Variants in SCLT1 observed in about 807,000 individuals in gnomAD.
SCLT1 encodes sodium channel and clathrin linker 1.
In SCLT1, 78 loss-of-function variants were observed where a neutral mutation model predicts 112.8. That is an observed-to-expected ratio of 0.69 (90% CI 0.58 to 0.83). The LOEUF is 0.83. SCLT1 is among the 40% of genes least tolerant of loss of function. The pLI is 0.00. For synonymous variants in SCLT1, 257 were observed against 254.7 expected (o/e 1.01, Z -0.09); for missense variants, 747 against 770.4 (o/e 0.97, Z 0.36).
intron 2 of SCLT1, among the ~76,000 whole-genome samples, chr4:129,078,207 T>C (rs35388412): frequency 0.031 from 4,653 of 152,340 alleles, 92 homozygotes; most frequent in South Asian, 0.052. Context: ...GATTTGTCCC[T>C]ACTAGGTCTG....
chr4:128,881,079 G>A (rs746683988), downstream of SCLT1, among the ~76,000 whole-genome samples: 11 of 151,806 alleles, frequency 7.2e-5, no homozygotes, highest in Non-Finnish European at 1.0e-4. Context: ...ATTTTTCTTC[G>A]TTATATAAAT....
intron 18 of SCLT1, among the ~76,000 whole-genome samples, chr4:128,919,965 A>ATC: frequency 6.6e-6 from 1 of 152,164 alleles, no homozygotes; most frequent in Non-Finnish European, 1.5e-5. Flanking sequence ...ATTCTACCAG[A>ATC]TGTAAGAGAA....
chr4:129,086,841 T>C (rs955532332), intron 1 of SCLT1, among the ~76,000 whole-genome samples: 1 of 152,162 alleles, frequency 6.6e-6, no homozygotes, highest in African/African-American at 2.4e-5. Flanking sequence ...AGTAAGATAC[T>C]TGAGTTTAAG....
At chr4:128,934,269 G>T (rs2125979609) in intron 18 of SCLT1, among the ~76,000 whole-genome samples, 1 of 151,380 alleles carries the variant, frequency 6.6e-6, no homozygotes, top group African/African-American at 2.4e-5. Context: ...ACATATGTTG[G>T]TTTATATACA....
intron 18 of SCLT1, among the ~76,000 whole-genome samples, chr4:128,926,803 T>C (rs1736337192): frequency 6.6e-6 from 1 of 152,016 alleles, no homozygotes; most frequent in African/African-American, 2.4e-5. Context: ...TCAACAATAA[T>C]ATATAAGCTG....
At chr4:129,050,618 CTG>C (rs1237386133) in intron 2 of SCLT1, among the ~76,000 whole-genome samples, 2 of 152,006 alleles carry the variant, frequency 1.3e-5, no homozygotes, top group African/African-American at 2.4e-5. Context: ...TCCTTGTAGA[CTG>C]TGGATATTAG....
chr4:129,000,251 A>G (rs941063892), intron 6 of SCLT1, among the ~76,000 whole-genome samples: 1 of 152,002 alleles, frequency 6.6e-6, no homozygotes, highest in Non-Finnish European at 1.5e-5. Flanking sequence ...TTACTACCTG[A>G]TAATAAATAT....
At chr4:129,075,112 C>T (rs1161516938) in intron 2 of SCLT1, among the ~76,000 whole-genome samples, 3 of 152,082 alleles carry the variant, frequency 2.0e-5, no homozygotes, top group African/African-American at 7.2e-5. Flanking sequence ...TCTCTGGATA[C>T]TTTTCTTTCT....
chr4:128,933,329 CT>C (rs370585727), intron 18 of SCLT1, among the ~76,000 whole-genome samples: 2,656 of 151,972 alleles, frequency 0.017, 62 homozygotes, highest in African/African-American at 0.055. Flanking sequence ...TGACCAAAGA[CT>C]TTTTTTTCTT....
chr4:129,070,484 A>C (rs1180864614), intron 2 of SCLT1, among the ~76,000 whole-genome samples: 1 of 151,900 alleles, frequency 6.6e-6, no homozygotes, highest in Non-Finnish European at 1.5e-5. Context: ...GATTTAATCT[A>C]GGAGGGTTGT....
At chr4:128,936,167 T>C (rs1231273709) in intron 18 of SCLT1, among the ~76,000 whole-genome samples, 1 of 152,110 alleles carries the variant, frequency 6.6e-6, no homozygotes, top group Non-Finnish European at 1.5e-5. Context: ...TTTACTATAG[T>C]AAATCATATG....
intron 1 of SCLT1, among the ~76,000 whole-genome samples, chr4:129,090,367 A>G (rs878883610): frequency 6.6e-6 from 1 of 152,258 alleles, no homozygotes; most frequent in Non-Finnish European, 1.5e-5. Context: ...AGGTAATTCA[A>G]TGGAGAAAGG....
At chr4:128,974,835 T>C (rs536499113) in intron 9 of SCLT1, among the ~76,000 whole-genome samples, 7 of 152,068 alleles carry the variant, frequency 4.6e-5, no homozygotes, top group African/African-American at 1.4e-4. Flanking sequence ...ACAAAAAAAT[T>C]TTGATTTAAA....
chr4:128,881,497 G>C (rs1030877719), downstream of SCLT1, among the ~76,000 whole-genome samples: 13 of 152,268 alleles, frequency 8.5e-5, no homozygotes, highest in African/African-American at 2.9e-4. Flanking sequence ...TCTCACACCA[G>C]AGAAGAAATT....
chr4:129,064,837 C>T (rs1750329044), intron 2 of SCLT1, among the ~76,000 whole-genome samples: 1 of 152,038 alleles, frequency 6.6e-6, no homozygotes, highest in Admixed American at 6.6e-5. Flanking sequence ...CCACTGTGGT[C>T]AGAAAACAAA....
intron 4 of SCLT1, among the ~76,000 whole-genome samples, chr4:129,043,102 G>A (rs1343332144): frequency 1.3e-5 from 2 of 151,910 alleles, no homozygotes; most frequent in African/African-American, 4.8e-5. Context: ...AAAAGAGATG[G>A]GGTCTCACTA....
intron 2 of SCLT1, among the ~76,000 whole-genome samples, chr4:129,064,472 T>C (rs1750292131): frequency 6.6e-6 from 1 of 152,206 alleles, no homozygotes; most frequent in South Asian, 2.1e-4. Context: ...TTTAATTCTA[T>C]GAGCCATTTC....
At chr4:129,075,247 G>A (rs1751361251) in intron 2 of SCLT1, among the ~76,000 whole-genome samples, 1 of 152,114 alleles carries the variant, frequency 6.6e-6, no homozygotes, top group Non-Finnish European at 1.5e-5. Context: ...TCCTTTGGAA[G>A]GAAATAAAGT....
intron 18 of SCLT1, among the ~76,000 whole-genome samples, chr4:128,901,977 TA>T (rs1299863727): frequency 2.6e-5 from 4 of 152,070 alleles, no homozygotes; most frequent in Non-Finnish European, 5.9e-5. Flanking sequence ...AGTGCAGTGG[TA>T]CAATCATGGC....
Sources: allele counts gnomAD v4.1 joint callset (sites outside exome capture counted in the v4.1 genomes callset), GRCh38; gene constraint gnomAD v4.1.1; transcripts MANE v1.5; gene names NCBI Gene and HGNC (gene_info 2026-07-23, HGNC 2026-07-21).